The following NLGN1 variants were observed in gnomAD, a reference collection of about 807,000 sequenced individuals.
NLGN1 encodes the protein neuroligin-1.
A neutral mutation model predicts 65.5 loss-of-function variants in NLGN1; 12 were observed. The observed-to-expected ratio is 0.18, with a 90% CI of 0.12 to 0.30. NLGN1 has a LOEUF of 0.30. Ranked by LOEUF, NLGN1 falls within the 10% of genes least tolerant of loss-of-function variation. NLGN1 has a pLI of 1.00. For synonymous variants in NLGN1, 350 were observed against 359.5 expected, an observed-to-expected ratio of 0.97 and a Z score of 0.30; for missense variants, 750 against 1,007.1, an observed-to-expected ratio of 0.74 and a Z score of 3.46.
chr3:174,085,051 T>G (rs1742980070), intron 4 of NLGN1, among the ~76,000 whole-genome samples: 1 of 151,986 alleles, frequency 6.6e-6, no homozygotes, highest in African/African-American at 2.4e-5. Context: ...TATATTTTGG[T>G]TGTGAAATGA....
chr3:174,002,507 T>C (rs1723497537), intron 4 of NLGN1, among the ~76,000 whole-genome samples: 1 of 152,344 alleles, frequency 6.6e-6, no homozygotes, highest in African/African-American at 2.4e-5. Flanking sequence ...ATTACTGTAA[T>C]CCATATTTTT....
intron 3 of NLGN1, among the ~76,000 whole-genome samples, chr3:173,623,195 T>C (rs553495482): frequency 6.6e-5 from 10 of 152,252 alleles, no homozygotes; most frequent in African/African-American, 2.4e-4. Context: ...TCTCATGTAT[T>C]CTGTCCATAA....
chr3:174,208,667 A>G (rs1311843797), intron 4 of NLGN1, among the ~76,000 whole-genome samples: 16 of 10,492 alleles, frequency 1.5e-3, no homozygotes, highest in South Asian at 6.0e-3. Context: ...TTATAGGGAA[A>G]AAAAAAAAAA....
chr3:174,150,072 G>A (rs1724043386), intron 4 of NLGN1, among the ~76,000 whole-genome samples: 1 of 152,024 alleles, frequency 6.6e-6, no homozygotes, highest in Non-Finnish European at 1.5e-5. Flanking sequence ...GCTATAATTG[G>A]AAATTAGCAA....
intron 4 of NLGN1, among the ~76,000 whole-genome samples, chr3:173,876,290 A>G (rs1270140985): frequency 1.3e-5 from 2 of 152,124 alleles, no homozygotes; most frequent in Non-Finnish European, 2.9e-5. Context: ...TGCCTTAGTA[A>G]CTTAACCACC....
In NLGN1 at chr3:174,280,816, C is replaced by T. The variant is rs767265477; in HGVS notation, c.1985C>T (p.Pro662Leu). 1 of 1,613,428 alleles carries T rather than the reference C, an allele frequency of 6.2e-7. No individual in the cohort carries two copies. Among genetic ancestry groups the T allele is most frequent in the Admixed American group, 1.7e-5 (1 of 59,916 alleles). Residue 662 changes from proline to leucine, a missense_variant, in exon 7 of 7, where the codon CCA becomes CTA. Physicochemically the swap from Pro to Leu is moderately conservative, Grantham distance 98. Coordinates refer to ENST00000457714, the Ensembl canonical transcript of NLGN1. The surrounding 1 kb of genome is among the most constrained non-coding windows in gnomAD (Gnocchi z 4.9). ...AAGCAGGATGATCCCAAACAACAACCAAGTCCATTTTCAGTGGATCAAAGG... is the reference window on the plus strand; with the variant it reads ...AAGCAGGATGATCCCAAACAACAACTAAGTCCATTTTCAGTGGATCAAAGG...
intron 4 of NLGN1, among the ~76,000 whole-genome samples, chr3:174,081,895 G>A (rs1742316748): frequency 6.6e-6 from 1 of 152,006 alleles, no homozygotes; most frequent in Middle Eastern, 3.2e-3. Flanking sequence ...ATGAATTTGA[G>A]GGAAACACAA....
At chr3:173,655,301 G>A (rs926371181) in intron 3 of NLGN1, among the ~76,000 whole-genome samples, 2 of 152,018 alleles carry the variant, frequency 1.3e-5, no homozygotes, top group Non-Finnish European at 2.9e-5. Flanking sequence ...AGTATGAAAG[G>A]TGCTTCAGAG....
At chr3:173,715,932 T>C (rs59374200) in intron 3 of NLGN1, among the ~76,000 whole-genome samples, 10,666 of 152,190 alleles carry the variant, frequency 0.07, 421 homozygotes, top group African/African-American at 0.11. Context: ...TGTATTTCAA[T>C]TCTTGCTGAA....
chr3:173,539,659 G>GCA (rs1738220835), intron 2 of NLGN1, among the ~76,000 whole-genome samples: 6 of 138,714 alleles, frequency 4.3e-5, no homozygotes, highest in African/African-American at 1.1e-4. Context: ...TAACATATGT[G>GCA]TATATATGCA....
At chr3:173,836,022 G>A (rs953925780) in intron 4 of NLGN1, among the ~76,000 whole-genome samples, 1 of 152,158 alleles carries the variant, frequency 6.6e-6, no homozygotes, top group Non-Finnish European at 1.5e-5. Context: ...AGTGATGTTA[G>A]CAAGGAAAGC....
chr3:173,735,397 A>G (rs1773584871), intron 3 of NLGN1, among the ~76,000 whole-genome samples: 1 of 152,174 alleles, frequency 6.6e-6, no homozygotes, highest in Non-Finnish European at 1.5e-5. Flanking sequence ...AGAGAAGAGA[A>G]GAGCAATGTA....
intron 2 of NLGN1, among the ~76,000 whole-genome samples, chr3:173,561,492 A>G (rs1367908047): frequency 6.6e-6 from 1 of 152,214 alleles, no homozygotes; most frequent in Admixed American, 6.5e-5. Context: ...ATGGCTGTAG[A>G]TATATCTCTC....
At chr3:173,564,683 C>T (rs190072251) in intron 2 of NLGN1, among the ~76,000 whole-genome samples, 2 of 152,278 alleles carry the variant, frequency 1.3e-5, no homozygotes, top group African/African-American at 4.8e-5. Context: ...ACTGTGAGAA[C>T]CAAGAACCCC....
chr3:173,970,655 T>C (rs1217152675), intron 4 of NLGN1, among the ~76,000 whole-genome samples: 1 of 152,160 alleles, frequency 6.6e-6, no homozygotes, highest in African/African-American at 2.4e-5. Flanking sequence ...GCATAGTGGC[T>C]AAAAGGAGCT....
intron 4 of NLGN1, among the ~76,000 whole-genome samples, chr3:174,134,598 G>A (rs2152678656): frequency 6.6e-6 from 1 of 152,194 alleles, no homozygotes; most frequent in African/African-American, 2.4e-5. Flanking sequence ...ATTACATGAA[G>A]AGGCTGAAGC....
At chr3:174,022,754 G>A (rs964745783) in intron 4 of NLGN1, among the ~76,000 whole-genome samples, 8 of 151,800 alleles carry the variant, frequency 5.3e-5, no homozygotes, top group African/African-American at 1.7e-4. Flanking sequence ...GGTATCTTTT[G>A]TCCTTGGTAG....
chr3:173,698,175 T>A (rs968238227), intron 3 of NLGN1, among the ~76,000 whole-genome samples: 2 of 152,214 alleles, frequency 1.3e-5, no homozygotes, highest in African/African-American at 2.4e-5. Context: ...CACTGATTTG[T>A]GAAGGTTTGT....
intron 4 of NLGN1, among the ~76,000 whole-genome samples, chr3:174,003,744 C>T (rs1392147441): frequency 6.6e-6 from 1 of 152,058 alleles, no homozygotes; most frequent in Non-Finnish European, 1.5e-5. Flanking sequence ...ATTTTATCTG[C>T]AAATCCTAAA....
Sources: gnomAD v4.1 joint callset for allele counts (sites outside exome capture counted in the v4.1 genomes callset) on GRCh38, gnomAD v4.1.1 for gene constraint, Gnocchi (gnomAD v3.1) non-coding constraint, MANE v1.5 for transcripts, NCBI Gene and HGNC (gene_info 2026-07-23, HGNC 2026-07-21) for gene names.